The following DPH6 variants were observed in gnomAD, a reference collection of about 807,000 sequenced individuals.
DPH6 encodes the protein diphthine--ammonia ligase.
In DPH6, 33 loss-of-function variants were observed where a neutral mutation model predicts 38.2. That is an observed-to-expected ratio of 0.86 (90% CI 0.65 to 1.15). DPH6 has a LOEUF of 1.15. Among genes scored for constraint, DPH6 ranks in the 50% most tolerant of loss-of-function variants. DPH6 has a pLI of 0.00. For synonymous variants in DPH6, 108 were observed against 103.0 expected, an observed-to-expected ratio of 1.05 and a Z score of -0.30; for missense variants, 325 against 320.0, an observed-to-expected ratio of 1.02 and a Z score of -0.12.
At chr15:35,311,340 T>A (rs999622664) in intron 3 of DPH6, among the ~76,000 whole-genome samples, 1 of 152,214 alleles carries the variant, frequency 6.6e-6, no homozygotes, top group African/African-American at 2.4e-5. Flanking sequence ...GACTGCTTTT[T>A]TTCCTCTACA....
At chr15:35,397,856 A>G (rs1595529608) in intron 6 of DPH6, among the ~76,000 whole-genome samples, 2 of 29,290 alleles carry the variant, frequency 6.8e-5, no homozygotes, top group African/African-American at 2.1e-4. Context: ...AGATGGAATC[A>G]ATTTATATAT....
intron 3 of DPH6, among the ~76,000 whole-genome samples, chr15:35,506,203 C>T (rs2054691814): frequency 6.6e-6 from 1 of 151,958 alleles, no homozygotes; most frequent in Admixed American, 6.6e-5. Context: ...AAAAATAACA[C>T]AAATATTAAA....
chr15:35,496,307 C>T (rs1314250825), intron 3 of DPH6, among the ~76,000 whole-genome samples: 1 of 151,678 alleles, frequency 6.6e-6, no homozygotes, highest in Non-Finnish European at 1.5e-5. Context: ...ATAATCCCAG[C>T]ACTTTGGGAG....
chr15:35,147,384 T>C, the DPH6 span, among the ~76,000 whole-genome samples: 2 of 152,198 alleles, frequency 1.3e-5, no homozygotes, highest in Admixed American at 1.3e-4. Context: ...GCATTATCCA[T>C]GCACAGGGAA....
chr15:35,469,902 A>G (rs576960364), intron 3 of DPH6, among the ~76,000 whole-genome samples: 1 of 152,294 alleles, frequency 6.6e-6, no homozygotes, highest in East Asian at 1.9e-4. Context: ...AGAGTCTTAA[A>G]AGAAAACTAG....
At chr15:35,544,522 G>A (rs899846892) in intron 1 of DPH6, among the ~76,000 whole-genome samples, 2 of 151,826 alleles carry the variant, frequency 1.3e-5, no homozygotes, top group African/African-American at 4.8e-5. Context: ...TTTAAAAAAG[G>A]AAAATAATCT....
At chr15:35,423,591 G>A (rs564702317) in intron 5 of DPH6, among the ~76,000 whole-genome samples, 1 of 133,488 alleles carries the variant, frequency 7.5e-6, no homozygotes, top group South Asian at 2.4e-4. Flanking sequence ...TGTGTTTTTG[G>A]TGTCATATAA....
chr15:35,392,031 A>G (rs1034341482), intron 6 of DPH6, among the ~76,000 whole-genome samples: 7 of 152,186 alleles, frequency 4.6e-5, no homozygotes, highest in African/African-American at 1.7e-4. Context: ...TCTCTTTTAG[A>G]GAAGGTGAAA....
intron 3 of DPH6, among the ~76,000 whole-genome samples, chr15:35,257,493 A>C (rs1028161585): frequency 6.6e-6 from 1 of 152,194 alleles, no homozygotes. Flanking sequence ...AAAAAATAAT[A>C]ATATGTTGTT....
At chr15:35,179,204 C>CAAAA in the DPH6 span, among the ~76,000 whole-genome samples, 10 of 50,572 alleles carry the variant, frequency 2.0e-4, no homozygotes, top group African/African-American at 3.9e-4. Flanking sequence ...ACAACTCTGT[C>CAAAA]AAAAAAAAAA....
chr15:35,496,930 C>T (rs910508501), intron 3 of DPH6, among the ~76,000 whole-genome samples: 16 of 152,018 alleles, frequency 1.1e-4, no homozygotes, highest in African/African-American at 3.6e-4. Flanking sequence ...CAGACTGAAA[C>T]TCTTTCTGGA....
intron 3 of DPH6, among the ~76,000 whole-genome samples, chr15:35,253,441 A>C (rs1375441784): frequency 6.6e-6 from 1 of 152,220 alleles, no homozygotes; most frequent in Non-Finnish European, 1.5e-5. Flanking sequence ...CCAAAGCACC[A>C]TTCGGGAATA....
intron 3 of DPH6, among the ~76,000 whole-genome samples, chr15:35,285,935 C>A (rs2051941107): frequency 8.3e-6 from 1 of 121,076 alleles, no homozygotes; most frequent in African/African-American, 3.1e-5. Flanking sequence ...AGAAATAACT[C>A]TGAAATGATA....
downstream of DPH6, among the ~76,000 whole-genome samples, chr15:35,368,869 A>C (rs2052685481): frequency 7.7e-6 from 1 of 129,178 alleles, no homozygotes. Flanking sequence ...GTTAAGGAGA[A>C]AGTAGATGTT....
intron 3 of DPH6, among the ~76,000 whole-genome samples, chr15:35,533,388 A>G (rs1248330130): frequency 2.0e-5 from 3 of 152,186 alleles, no homozygotes; most frequent in African/African-American, 7.2e-5. Flanking sequence ...CGTCAGATCA[A>G]TTAAGTTTCC....
rs183387151 is a variant in DPH6 at position 35,460,368 on chromosome 15, G to A, written c.313-5548C>T. 1.4e-4 allele frequency among the ~76,000 whole-genome samples: 21 copies of A among 152,130 alleles called. No homozygotes were observed. The East Asian group carries it at 2.9e-3, about 21-fold the overall frequency. On this transcript the variant is annotated intron_variant, in intron 3 of 8. Transcript: ENST00000256538. Reference sequence around the variant, plus strand: ...GCTAATCAAGTAGTAGAGACCAAACGGGAAGAAAATAGAAATTAAAGATAA... The same window carrying A: ...GCTAATCAAGTAGTAGAGACCAAACAGGAAGAAAATAGAAATTAAAGATAA...
chr15:35,159,518 C>T, the DPH6 span, among the ~76,000 whole-genome samples: 1 of 151,758 alleles, frequency 6.6e-6, no homozygotes, highest in East Asian at 1.9e-4. Context: ...TACCATCTCA[C>T]AGCAGTCAGA....
intron 3 of DPH6, among the ~76,000 whole-genome samples, chr15:35,530,003 A>G (rs2055063948): frequency 6.6e-6 from 1 of 152,178 alleles, no homozygotes; most frequent in Admixed American, 6.6e-5. Flanking sequence ...GATGTTCCCA[A>G]TTTAAAAGGT....
intron 6 of DPH6, among the ~76,000 whole-genome samples, chr15:35,392,613 G>A (rs968363521): frequency 2.0e-5 from 3 of 152,310 alleles, no homozygotes; most frequent in Non-Finnish European, 2.9e-5. Flanking sequence ...ATAAAAATGG[G>A]AGCAGCCATG....
Sources: gnomAD v4.1 joint callset for allele counts (sites outside exome capture counted in the v4.1 genomes callset) on GRCh38, gnomAD v4.1.1 for gene constraint, MANE v1.5 for transcripts, NCBI Gene and HGNC (gene_info 2026-07-23, HGNC 2026-07-21) for gene names.